C1orf21: variants seen among roughly 807,000 people sequenced by gnomAD.
The protein encoded by C1orf21 is chromosome 1 open reading frame 21, also known as uncharacterized protein C1orf21.
C1orf21 carries 3 observed loss-of-function variants against 18.7 expected under a neutral mutation model. The observed-to-expected ratio is 0.16, with a 90% CI of 0.07 to 0.42. The LOEUF (loss-of-function observed/expected upper bound fraction) is 0.42. Among genes scored for constraint, C1orf21 ranks in the 10% least tolerant of loss-of-function variants. The pLI, the probability that C1orf21 is intolerant of heterozygous loss-of-function variation, is 0.99. For synonymous variants in C1orf21, 41 were observed against 46.4 expected (o/e 0.88, Z 0.47); for missense variants, 104 against 143.6 (o/e 0.72, Z 1.41).
chr1:184,627,784 G>A lies in C1orf21; in HGVS notation c.*8228G>A, dbSNP rs1660040832. ...CATATTCACCCATTTAAAAACTAGA[G>A]CCCCTGGCAGGTCCCCTTAGGGCCA... On this transcript the variant is annotated 3_prime_UTR_variant, in exon 6 of 6. Coordinates refer to ENST00000235307, the MANE Select transcript of C1orf21 (RefSeq NM_030806.4). 6.6e-6 allele frequency: 1 copy of A among 152,130 alleles called. No individual in the cohort carries two copies. The highest frequency in any genetic ancestry group is 2.4e-5 in the African/African-American group (1 of 41,408). The allele number at this position is 152,130 out of a possible 1,614,324, so 9.4% of individuals were successfully genotyped here. A position where few individuals can be genotyped will look rare whatever the true frequency, so the allele number is the denominator to read the frequency against.
chr1:184,528,708 T>C (rs893781861), intron 3 of C1orf21, among the ~76,000 whole-genome samples: 1 of 152,108 alleles, frequency 6.6e-6, no homozygotes, highest in African/African-American at 2.4e-5. Flanking sequence ...GCCTCCCAAA[T>C]TGAGCATTAT....
intron 2 of C1orf21, among the ~76,000 whole-genome samples, chr1:184,503,077 C>CAA (rs199599189): frequency 0.014 from 841 of 60,506 alleles, 27 homozygotes; most frequent in African/African-American, 0.04. Context: ...GAAACTGTCT[C>CAA]AAAAAAAAAA....
chr1:184,571,296 CAAAAAA>C (rs66868646), intron 3 of C1orf21, among the ~76,000 whole-genome samples: 8,028 of 85,786 alleles, frequency 0.094, 228 homozygotes, highest in Non-Finnish European at 0.12. Flanking sequence ...GACTCCGTCT[CAAAAAA>C]AAAAAAAAAA....
chr1:184,464,538 AG>A (rs1363491490), intron 1 of C1orf21, among the ~76,000 whole-genome samples: 1 of 152,258 alleles, frequency 6.6e-6, no homozygotes, highest in Non-Finnish European at 1.5e-5. Flanking sequence ...TCTGCCTGAC[AG>A]GGCACCTGGC....
chr1:184,431,473 A>G (rs879652153), intron 1 of C1orf21, among the ~76,000 whole-genome samples: 1 of 152,216 alleles, frequency 6.6e-6, no homozygotes, highest in South Asian at 2.1e-4. Flanking sequence ...TTAACTCAAG[A>G]TGGATTAAAG....
At chr1:184,612,163 G>A (rs1345223414) in intron 5 of C1orf21, among the ~76,000 whole-genome samples, 1 of 152,188 alleles carries the variant, frequency 6.6e-6, no homozygotes, top group East Asian at 1.9e-4. Flanking sequence ...GACAGGTAAA[G>A]GAGCGGAGGA....
chr1:184,489,254 A>G (rs1657779189), intron 2 of C1orf21, among the ~76,000 whole-genome samples: 2 of 152,218 alleles, frequency 1.3e-5, no homozygotes, highest in African/African-American at 2.4e-5. Context: ...TAAGGAAAGA[A>G]CTAACATACC....
chr1:184,571,007 G>T (rs1017627916), intron 3 of C1orf21, among the ~76,000 whole-genome samples: 1 of 152,086 alleles, frequency 6.6e-6, no homozygotes, highest in Non-Finnish European at 1.5e-5. Flanking sequence ...GAAAAGGTAC[G>T]GTAAGGCCGG....
rs556566865 is a variant in C1orf21, at chr1:184,435,209, G to A, written c.-124-42177G>A. ...AGAAAGCTTAGTGATTTTGAGGCAG[G>A]GCAATCCATAGCTCTGGTTTGGCTG... is the stretch of plus-strand genomic sequence containing the variant. On this transcript the variant is annotated intron_variant, in intron 1 of 5. Coordinates refer to ENST00000235307, the MANE Select transcript of C1orf21 (RefSeq NM_030806.4). Among the ~76,000 whole-genome samples the A allele has an allele frequency of 3.9e-5, 6 of 152,264 alleles. No homozygotes were observed. In the East Asian group the frequency reaches 1.2e-3, roughly 29 times the overall value.
intron 2 of C1orf21, among the ~76,000 whole-genome samples, chr1:184,502,587 A>G (rs982830996): frequency 1.3e-5 from 2 of 152,106 alleles, no homozygotes; most frequent in African/African-American, 4.8e-5. Flanking sequence ...CAAAAGGCAT[A>G]TGAGAATTGC....
intron 1 of C1orf21, among the ~76,000 whole-genome samples, chr1:184,431,618 C>T (rs192973595): frequency 2.0e-4 from 30 of 152,068 alleles, no homozygotes; most frequent in Admixed American, 1.2e-3. Context: ...AATTGACAAA[C>T]GGGATCTAAT....
intron 3 of C1orf21, chr1:184,546,018 A>C (rs1018234701): frequency 9.9e-5 from 15 of 152,168 alleles, no homozygotes; most frequent in African/African-American, 3.4e-4. Flanking sequence ...TATCTGTCAA[A>C]TCCTGATTTA....
intron 4 of C1orf21, among the ~76,000 whole-genome samples, chr1:184,593,608 A>C (rs1423052897): frequency 6.7e-6 from 1 of 149,218 alleles, no homozygotes; most frequent in Non-Finnish European, 1.5e-5. Context: ...CAGTTTTCTC[A>C]GAGAGAGATT....
chr1:184,627,099 G>A lies in C1orf21; in HGVS notation c.*7543G>A, dbSNP rs948734764. The A allele has an allele frequency of 6.6e-6, 1 of 152,534 alleles. No individual in the cohort carries two copies. The highest frequency in any genetic ancestry group is 1.5e-5 in the Non-Finnish European group (1 of 68,042). The allele number at this position is 152,534 out of a possible 1,614,324, so 9.4% of individuals were successfully genotyped here. ...TTTAAAAAGCACAGACAAATTGTAT[G>A]CAAGTGGAAAATACCCATAGGCCTA... On this transcript the variant is annotated 3_prime_UTR_variant, in exon 6 of 6. Coordinates refer to ENST00000235307, the MANE Select transcript of C1orf21 (RefSeq NM_030806.4).
chr1:184,619,524 G>C lies in C1orf21; in HGVS notation c.334G>C (p.Asp112His), dbSNP rs1472572274. 1 of 1,613,258 alleles carries C rather than the reference G, an allele frequency of 6.2e-7. No individual in the cohort carries two copies. Among genetic ancestry groups the C allele is most frequent in the African/African-American group, 1.3e-5 (1 of 74,828 alleles). The part of the protein sequence containing the change: ...MLDEKIEKGR[D>H]YCSEEEDIT ...TTTTCTTTTTCCCTCCAAGGGTCGG[G>C]ATTACTGTTCGGAAGAAGAGGATAT... is the stretch of plus-strand genomic sequence containing the variant. Residue 112 changes from aspartate (D) to histidine (H), a missense_variant, in exon 6 of 6, where the codon GAT (aspartate) becomes CAT (histidine). Coordinates refer to ENST00000235307, the MANE Select transcript of C1orf21 (RefSeq NM_030806.4).
intron 3 of C1orf21, among the ~76,000 whole-genome samples, chr1:184,564,523 G>A (rs1024371278): frequency 3.2e-4 from 49 of 152,046 alleles, no homozygotes; most frequent in African/African-American, 1.2e-3. Context: ...GGCCAGGCTG[G>A]TCTTGAACTC....
At chr1:184,474,553 G>A (rs901994851) in intron 1 of C1orf21, among the ~76,000 whole-genome samples, 2 of 152,120 alleles carry the variant, frequency 1.3e-5, no homozygotes, top group Non-Finnish European at 2.9e-5. Flanking sequence ...ACTGCTTTTC[G>A]GGAGTAGCAA....
At chr1:184,496,064 T>C (rs1657889301) in intron 2 of C1orf21, among the ~76,000 whole-genome samples, 1 of 152,036 alleles carries the variant, frequency 6.6e-6, no homozygotes, top group African/African-American at 2.4e-5. Flanking sequence ...AGGTGAATCC[T>C]GGAAGATGAG....
chr1:184,409,895 C>T (rs1228737777), intron 1 of C1orf21, among the ~76,000 whole-genome samples: 1 of 151,988 alleles, frequency 6.6e-6, no homozygotes, highest in Non-Finnish European at 1.5e-5. Context: ...TATGTAAATT[C>T]GTATAATGGC....
Sources: gnomAD v4.1 joint callset for allele counts (sites outside exome capture counted in the v4.1 genomes callset) on GRCh38, gnomAD v4.1.1 for gene constraint, MANE v1.5 for transcripts, NCBI Gene and HGNC (gene_info 2026-07-23, HGNC 2026-07-21) for gene names.